Variants in UQCRC2 observed in about 807,000 individuals in gnomAD.
UQCRC2 encodes cytochrome b-c1 complex subunit 2, mitochondrial.
A neutral mutation model predicts 55.6 loss-of-function variants in UQCRC2; 49 were observed. The ratio of observed to expected loss-of-function variants is 0.88; its 90% CI spans 0.70 to 1.12. The LOEUF is 1.12. Ranked by LOEUF, UQCRC2 falls within the 50% of genes most tolerant of loss-of-function variation. UQCRC2 has a pLI of 0.00. For missense variants in UQCRC2, 506 were observed against 547.8 expected (o/e 0.92, Z 0.76); for synonymous variants, 193 against 192.0 (o/e 1.01, Z -0.04).
Position 21,980,610 on chromosome 16 carries a change from C to T in UQCRC2, c.1188C>T (p.Val396=), listed in dbSNP as rs778896440. The T allele has an allele frequency of 5.0e-6, 8 of 1,614,014 alleles. No homozygotes were observed. The South Asian group carries it at 5.5e-5, about 11-fold the overall frequency. Residue 396 remains valine, a synonymous_variant, in exon 13 of 14, where the codon GTC becomes GTT. Transcript: ENST00000268379. ...VESSECFLEE[V]GSQALVAGSY... Reference sequence around the variant, plus strand: ...CTTCTGAGTGTTTCCTGGAAGAAGTCGGGTCCCAGGCTCTAGTTGCTGGTT... The same window carrying T: ...CTTCTGAGTGTTTCCTGGAAGAAGTTGGGTCCCAGGCTCTAGTTGCTGGTT...
intron 12 of UQCRC2, chr16:21,976,765 T>C (rs1174888392): frequency 1.3e-5 from 2 of 152,212 alleles, no homozygotes; most frequent in Non-Finnish European, 2.9e-5. Flanking sequence ...TTTTATCTTA[T>C]TTAAATAGCA....
intron 8 of UQCRC2, among the ~76,000 whole-genome samples, chr16:21,970,381 T>C (rs892803524): frequency 1.3e-5 from 2 of 152,218 alleles, no homozygotes; most frequent in African/African-American, 4.8e-5. Context: ...TTTTCCAAAG[T>C]AGCTGCACCA....
chr16:21,958,640 AAATATTC>A (rs1413097260), intron 4 of UQCRC2, 41 bp downstream of exon 4: 5 of 1,557,276 alleles, frequency 3.2e-6, no homozygotes, highest in Non-Finnish European at 4.4e-6. Context: ...AAATGCCAGA[AAATATTC>A]AATTTTAAGG....
At chr16:21,973,146 T>C (rs910495213) in intron 10 of UQCRC2, among the ~76,000 whole-genome samples, 1 of 152,152 alleles carries the variant, frequency 6.6e-6, no homozygotes, top group Admixed American at 6.5e-5. Context: ...AGTGCCTTCT[T>C]ATGCTTTACG....
chr16:21,959,858 T>G (rs1174702628), intron 4 of UQCRC2: 9 of 152,254 alleles, frequency 5.9e-5, no homozygotes, highest in Admixed American at 5.9e-4. Flanking sequence ...ATCAGAGCTC[T>G]TGGCATTGTT....
At chr16:21,969,915 A>T (rs1014715855) in intron 8 of UQCRC2, among the ~76,000 whole-genome samples, 5 of 151,632 alleles carry the variant, frequency 3.3e-5, no homozygotes, top group Non-Finnish European at 7.4e-5. Context: ...TCTGTTGCCC[A>T]AGCTGGAGCA....
intron 1 of UQCRC2, among the ~76,000 whole-genome samples, chr16:21,956,191 C>G (rs1340558368): frequency 1.3e-5 from 2 of 152,144 alleles, no homozygotes; most frequent in Non-Finnish European, 2.9e-5. Context: ...GGAAATTAGA[C>G]TGAACGGATG....
intron 12 of UQCRC2, among the ~76,000 whole-genome samples, chr16:21,977,730 C>A (rs973659214): frequency 6.6e-6 from 1 of 152,198 alleles, no homozygotes; most frequent in African/African-American, 2.4e-5. Flanking sequence ...GTGAATCTTG[C>A]AACTCCAGTG....
Position 21,971,985 on chromosome 16 carries a change from G to A in UQCRC2, c.829G>A (p.Val277Ile). The A allele has an allele frequency of 6.2e-7, 1 of 1,614,196 alleles. No homozygotes were observed. Among genetic ancestry groups the A allele is most frequent in the East Asian group, 2.2e-5 (1 of 44,878 alleles). ...TGCTGCTTTTGTAGCAGAAAGTGCT[G>A]TCGCGGGAAGTGCAGAGGCAAATGC... ...VHAAFVAESA[V>I]AGSAEANAFS... The change falls in exon 10 of 14, where the codon GTC becomes ATC. Residue 277 changes from valine (V) to isoleucine (I), a missense_variant. Coordinates refer to ENST00000268379, the MANE Select transcript of UQCRC2 (RefSeq NM_003366.4).
intron 1 of UQCRC2, 79 bp downstream of exon 1, chr16:21,953,535 C>A: frequency 6.5e-7 from 1 of 1,543,790 alleles, no homozygotes; most frequent in South Asian, 1.2e-5. Context: ...GGTGTCTGGT[C>A]TGGGGTCTGG....
intron 12 of UQCRC2, chr16:21,980,339 T>C: frequency 1.8e-6 from 1 of 570,536 alleles, no homozygotes; most frequent in South Asian, 2.6e-5. Flanking sequence ...TTGGCAACCC[T>C]GAAGAGACTT....
intron 8 of UQCRC2, 104 bp downstream of exon 8, chr16:21,968,789 C>G: frequency 9.8e-7 from 1 of 1,015,782 alleles, no homozygotes; most frequent in Non-Finnish European, 1.4e-6. Context: ...AAAACTTCGG[C>G]CTTCTATTTA....
intron 13 of UQCRC2, among the ~76,000 whole-genome samples, chr16:21,981,844 CT>C (rs1245008218): frequency 1.4e-3 from 200 of 142,026 alleles, no homozygotes; most frequent in Admixed American, 1.6e-3. Flanking sequence ...TCATACTCTT[CT>C]TTTTTTTTTT....
At chr16:21,969,549 A>G (rs1239130592) in intron 8 of UQCRC2, among the ~76,000 whole-genome samples, 1 of 152,126 alleles carries the variant, frequency 6.6e-6, no homozygotes, top group East Asian at 1.9e-4. Flanking sequence ...TACAATTCCA[A>G]ATGTTTACAC....
At chr16:21,973,682 A>C (rs1898515789) in intron 10 of UQCRC2, among the ~76,000 whole-genome samples, 1 of 152,214 alleles carries the variant, frequency 6.6e-6, no homozygotes, top group African/African-American at 2.4e-5. Flanking sequence ...CAGTCATTTT[A>C]GAAATATTTA....
chr16:21,981,877 G>A (rs1898737824), intron 13 of UQCRC2, among the ~76,000 whole-genome samples: 1 of 143,336 alleles, frequency 7.0e-6, no homozygotes, highest in African/African-American at 2.6e-5. Context: ...GTCTTGCTCT[G>A]TTGCCCAGGC....
chr16:21,956,567 T>C (rs1361151762), intron 1 of UQCRC2, among the ~76,000 whole-genome samples: 2 of 151,992 alleles, frequency 1.3e-5, no homozygotes, highest in Admixed American at 1.3e-4. Flanking sequence ...GTGGATGGGG[T>C]GATCTGACAC....
chr16:21,961,626 T>TATATATATA (rs1898200733), intron 4 of UQCRC2, among the ~76,000 whole-genome samples: 1 of 64,476 alleles, frequency 1.6e-5, no homozygotes, highest in Non-Finnish European at 4.3e-5. Flanking sequence ...AACATAAAAT[T>TATATATATA]TATATATATA....
Position 21,962,834 on chromosome 16 carries a change from C to T in UQCRC2, c.463C>T (p.Gln155Ter). The T allele has an allele frequency of 6.2e-7, 1 of 1,614,104 alleles. No homozygotes were observed. Among genetic ancestry groups the T allele is most frequent in the African/African-American group, 1.3e-5 (1 of 75,042 alleles). ...EFRRWEVADL[Q>*]PQLKIDKAVA... ...TCGTCGTTGGGAAGTAGCTGACCTT[C>T]AGCCTCAGCTAAAGATTGACAAAGC... Residue 155 changes from glutamine (Q) to a stop codon, truncating the protein, a stop_gained, in exon 6 of 14, where the codon CAG becomes TAG. Coordinates refer to ENST00000268379, the MANE Select transcript of UQCRC2 (RefSeq NM_003366.4). LOFTEE classifies it high-confidence loss of function.
Sources: gnomAD v4.1 joint callset for allele counts (sites outside exome capture counted in the v4.1 genomes callset) on GRCh38, gnomAD v4.1.1 for gene constraint, MANE v1.5 for transcripts, NCBI Gene and HGNC (gene_info 2026-07-23, HGNC 2026-07-21) for gene names.